FOXP1: variants seen among roughly 807,000 people sequenced by gnomAD.
The protein encoded by FOXP1 is forkhead box protein P1.
FOXP1 carries 15 observed loss-of-function variants against 98.2 expected under a neutral mutation model. That is an observed-to-expected ratio of 0.15 (90% CI 0.10 to 0.24). FOXP1 has a LOEUF of 0.24. Among genes scored for constraint, FOXP1 ranks in the 10% least tolerant of loss-of-function variants. FOXP1 has a pLI of 1.00. For synonymous variants in FOXP1, 371 were observed against 314.5 expected (o/e 1.18, Z -1.90); for missense variants, 633 against 848.5 (o/e 0.75, Z 3.15).
intron 2 of FOXP1, among the ~76,000 whole-genome samples, chr3:71,545,172 G>A (rs1468358890): frequency 2.0e-5 from 3 of 152,022 alleles, no homozygotes; most frequent in Non-Finnish European, 4.4e-5. Flanking sequence ...AAATCAGCAT[G>A]CTGTCATGGA....
chr3:71,260,447 T>C (rs2107175105), intron 5 of FOXP1, among the ~76,000 whole-genome samples: 1 of 152,334 alleles, frequency 6.6e-6, no homozygotes, highest in African/African-American at 2.4e-5. Context: ...CACTTTACGA[T>C]GAAGTCTGTT....
At chr3:71,457,204 T>G (rs17656603) in intron 3 of FOXP1, among the ~76,000 whole-genome samples, 46,110 of 151,966 alleles carry the variant, frequency 0.3, 8,504 homozygotes, top group Non-Finnish European at 0.42. Flanking sequence ...ACTTGTGGAT[T>G]AATACCATTT....
At chr3:71,328,956 A>G (rs1318200620) in intron 4 of FOXP1, among the ~76,000 whole-genome samples, 1 of 141,208 alleles carries the variant, frequency 7.1e-6, no homozygotes, top group Non-Finnish European at 1.5e-5. Flanking sequence ...GGGCAACAAG[A>G]GCGAAACTCC....
At chr3:71,133,199 C>A (rs1037264194) in intron 6 of FOXP1, among the ~76,000 whole-genome samples, 3 of 152,164 alleles carry the variant, frequency 2.0e-5, no homozygotes, top group African/African-American at 4.8e-5. Context: ...CAGCAACAGT[C>A]CATTTCTCAT....
intron 5 of FOXP1, among the ~76,000 whole-genome samples, chr3:71,292,290 C>G (rs928249564): frequency 6.6e-6 from 1 of 152,124 alleles, no homozygotes; most frequent in Non-Finnish European, 1.5e-5. Context: ...GTCCATCCAA[C>G]AATGGGAGGT....
chr3:71,017,050 C>T (rs1378830186), intron 11 of FOXP1, among the ~76,000 whole-genome samples: 1 of 151,824 alleles, frequency 6.6e-6, no homozygotes. Context: ...AGAAAAACAA[C>T]TTGTAAAAAT....
chr3:71,499,938 A>G (rs145904236), intron 2 of FOXP1, among the ~76,000 whole-genome samples: 4 of 152,342 alleles, frequency 2.6e-5, no homozygotes, highest in African/African-American at 9.6e-5. Context: ...TTTTAAAATA[A>G]TAATAATAAT....
In FOXP1 at chr3:71,561,508, G is replaced by T. The variant is rs551735026; in HGVS notation, c.-298+20041C>A. Among the ~76,000 whole-genome samples the T allele has an allele frequency of 1.9e-4, 29 of 150,828 alleles. No homozygotes were observed. The South Asian group carries it at 6.1e-3, about 32-fold the overall frequency. On this transcript the variant is annotated intron_variant, in intron 2 of 20. Coordinates refer to ENST00000649528, the MANE Select transcript of FOXP1 (RefSeq NM_001349338.3). ...CAGTATTTTAGATGAAATAGGAAAAGATCGAACTATGTGACTGAGTAAGCT... is the reference window on the plus strand; with the variant it reads ...CAGTATTTTAGATGAAATAGGAAAATATCGAACTATGTGACTGAGTAAGCT...
intron 12 of FOXP1, among the ~76,000 whole-genome samples, chr3:71,014,908 G>A (rs981416379): frequency 2.6e-5 from 4 of 151,544 alleles, no homozygotes; most frequent in African/African-American, 9.7e-5. Flanking sequence ...ACCAAACACC[G>A]CATGTTCTCA....
chr3:71,349,291 T>A (rs1444820950), intron 4 of FOXP1, among the ~76,000 whole-genome samples: 1 of 152,272 alleles, frequency 6.6e-6, no homozygotes, highest in African/African-American at 2.4e-5. Flanking sequence ...TTATCCTTTT[T>A]AAATTTTCCT....
chr3:70,990,941 G>A (rs975735413), intron 13 of FOXP1, among the ~76,000 whole-genome samples: 4 of 152,126 alleles, frequency 2.6e-5, no homozygotes, highest in Non-Finnish European at 5.9e-5. Context: ...TTCTAAATAC[G>A]GAATGATCAT....
At chr3:71,216,023 G>T (rs1373788063) in intron 5 of FOXP1, among the ~76,000 whole-genome samples, 2 of 152,338 alleles carry the variant, frequency 1.3e-5, no homozygotes, top group South Asian at 4.1e-4. Flanking sequence ...ACCTTATACT[G>T]TGGATACAAG....
rs181674669 is a variant in FOXP1 at position 71,285,726 on chromosome 3, A to G, written c.-12+14094T>C. ...CAGTCAAATTTTAATATTTCCACTTATCTTTGGTATTATATCACAAAAGGA... is the reference window on the plus strand; with the variant it reads ...CAGTCAAATTTTAATATTTCCACTTGTCTTTGGTATTATATCACAAAAGGA... On this transcript the variant is annotated intron_variant, in intron 5 of 20. Transcript: ENST00000649528. Among the ~76,000 whole-genome samples the G allele has an allele frequency of 1.3e-4, 20 of 152,346 alleles. No individual in the cohort carries two copies. The South Asian group carries it at 2.7e-3, about 20-fold the overall frequency.
At chr3:71,390,578 G>A (rs551398179) in intron 3 of FOXP1, among the ~76,000 whole-genome samples, 13 of 151,684 alleles carry the variant, frequency 8.6e-5, no homozygotes, top group African/African-American at 3.1e-4. Context: ...TGTGTGTGGT[G>A]GGGAGGGGGG....
intron 7 of FOXP1, among the ~76,000 whole-genome samples, chr3:71,085,256 T>C (rs2054908433): frequency 6.6e-6 from 1 of 152,098 alleles, no homozygotes; most frequent in Admixed American, 6.6e-5. Context: ...AATCCTCCCA[T>C]GTCAGCCTCC....
chr3:71,358,863 C>T (rs576231734), intron 4 of FOXP1, among the ~76,000 whole-genome samples: 14 of 152,256 alleles, frequency 9.2e-5, no homozygotes, highest in African/African-American at 3.1e-4. Context: ...CTGTATGGCT[C>T]ATGAGGATGA....
intron 3 of FOXP1, among the ~76,000 whole-genome samples, chr3:71,396,937 C>CACAT (rs2081433802): frequency 1.2e-5 from 1 of 80,458 alleles, no homozygotes; most frequent in East Asian, 2.4e-4. Context: ...TATATATACA[C>CACAT]ATATATATAT....
intron 7 of FOXP1, among the ~76,000 whole-genome samples, chr3:71,108,410 T>C (rs921867527): frequency 6.6e-6 from 1 of 152,248 alleles, no homozygotes; most frequent in Admixed American, 6.5e-5. Context: ...TGAGTACACC[T>C]GCACTGTTAA....
chr3:71,450,807 TTA>T (rs34752574), intron 3 of FOXP1, among the ~76,000 whole-genome samples: 96,894 of 151,500 alleles, frequency 0.64, 32,628 homozygotes, highest in Non-Finnish European at 0.74. Context: ...GAAGACCTAA[TTA>T]TATATACTAA....
Sources: allele counts gnomAD v4.1 joint callset (sites outside exome capture counted in the v4.1 genomes callset), GRCh38; gene constraint gnomAD v4.1.1; transcripts MANE v1.5; gene names NCBI Gene and HGNC (gene_info 2026-07-23, HGNC 2026-07-21).